HGSNAT: variants seen among roughly 807,000 people sequenced by gnomAD.
HGSNAT encodes heparan-alpha-glucosaminide N-acetyltransferase, also known as transmembrane protein 76.
In HGSNAT, 59 loss-of-function variants were observed where a neutral mutation model predicts 85.2. That is an observed-to-expected ratio of 0.69 (90% CI 0.56 to 0.86). The LOEUF is 0.86. HGSNAT is among the 40% of genes least tolerant of loss of function. The pLI, the probability that HGSNAT is intolerant of heterozygous loss-of-function variation, is 0.00. For missense variants in HGSNAT, 756 were observed against 777.1 expected (o/e 0.97, Z 0.32); for synonymous variants, 321 against 304.5 (o/e 1.05, Z -0.56).
chr8:43,185,095 G>A (rs1053162538), intron 11 of HGSNAT, among the ~76,000 whole-genome samples: 1 of 152,188 alleles, frequency 6.6e-6, no homozygotes, highest in Non-Finnish European at 1.5e-5. Context: ...TGTTCTTGTG[G>A]CTTAGGATTG....
At chr8:43,198,328 C>T (rs1446728993) in intron 17 of HGSNAT, among the ~76,000 whole-genome samples, 1 of 136,052 alleles carries the variant, frequency 7.4e-6, no homozygotes. Flanking sequence ...TGCTCTGTTG[C>T]CCAGGCTGGA....
At chr8:43,150,242 C>T (rs1156947084) in intron 2 of HGSNAT, among the ~76,000 whole-genome samples, 4 of 152,072 alleles carry the variant, frequency 2.6e-5, no homozygotes, top group Admixed American at 1.3e-4. Context: ...CGTGAGCCAC[C>T]GCGCCTGGCC....
chr8:43,178,026 A>G (rs1235763247), intron 9 of HGSNAT, 48 bp from the exon 10 acceptor site: 2 of 1,500,328 alleles, frequency 1.3e-6, no homozygotes, highest in Admixed American at 3.3e-5. Flanking sequence ...TGATATATAG[A>G]CAAAAAATTT....
At chr8:43,184,043 C>T in intron 11 of HGSNAT, among the ~76,000 whole-genome samples, 1 of 152,028 alleles carries the variant, frequency 6.6e-6, no homozygotes, top group Non-Finnish European at 1.5e-5. Context: ...CATTGTTGGG[C>T]ATTTGGGTTG....
rs191723893 is a variant in HGSNAT at position 43,184,188 on chromosome 8, C to A, written c.1128+1928C>A. ...GCTGGGTCCAATGGTATTTCTAGTT[C>A]TAGATCCCTGAGGAATCGCCATACT... On this transcript the variant is annotated intron_variant, in intron 11 of 17. Coordinates refer to ENST00000379644, the MANE Select transcript of HGSNAT (RefSeq NM_152419.3). Among the ~76,000 whole-genome samples, 11 of 152,338 alleles carry A rather than the reference C, an allele frequency of 7.2e-5. No homozygotes were observed. In the East Asian group the frequency reaches 1.9e-3, roughly 27 times the overall value.
intron 12 of HGSNAT, among the ~76,000 whole-genome samples, 188 bp from the exon 13 acceptor site, chr8:43,192,116 C>T (rs892138203): frequency 3.9e-5 from 6 of 152,068 alleles, no homozygotes; most frequent in Admixed American, 1.3e-4. Context: ...TTAATAGAGA[C>T]GGGGTTTCAC....
In HGSNAT at chr8:43,186,114, C is replaced by G. The variant is rs1804299760; in HGVS notation, c.1128+3854C>G. 3.3e-5 allele frequency among the ~76,000 whole-genome samples: 5 copies of G among 152,056 alleles called. No individual in the cohort carries two copies. The South Asian group carries it at 1.0e-3, about 32-fold the overall frequency. ...CTAAAATTCTCTTTTTTTGTTGTGT[C>G]TCTGCCAGGCTTTGGTATCAGGATG... On this transcript the variant is annotated intron_variant, in intron 11 of 17. Transcript: ENST00000379644.
At position 43,159,019 on chromosome 8, in the gene HGSNAT, C is replaced by T. The variant is rs376382820; in HGVS notation, c.468C>T (p.Asn156=). 96 of 1,613,674 alleles carry T rather than the reference C, an allele frequency of 5.9e-5. No individual in the cohort carries two copies. In the African/African-American group the frequency reaches 6.4e-4, roughly 11 times the overall value. ...AAATTGCCTGTGACCTGGCTGTGAA[C>T]GAGGATCCAGTTGATAGTAACCTTC... ...VSEIACDLAV[N]EDPVDSNLPV... The change falls in exon 4 of 18, where the codon AAC becomes AAT. Residue 156 remains asparagine, a synonymous_variant. Coordinates refer to ENST00000379644, the MANE Select transcript of HGSNAT (RefSeq NM_152419.3).
At chr8:43,195,417 T>C (rs1804670275) in intron 14 of HGSNAT, among the ~76,000 whole-genome samples, 1 of 151,852 alleles carries the variant, frequency 6.6e-6, no homozygotes. Context: ...TCCTATTCAT[T>C]AAGTGGGAGT....
intron 10 of HGSNAT, among the ~76,000 whole-genome samples, chr8:43,178,598 T>C (rs1162422089): frequency 3.2e-4 from 47 of 148,520 alleles, no homozygotes; most frequent in South Asian, 8.3e-4. Context: ...AGCTTTCTTT[T>C]TTTTTTTTTT....
In HGSNAT at chr8:43,192,522, A is replaced by G. The variant is rs1175016665; in HGVS notation, c.1377+92A>G. The G allele has an allele frequency of 5.0e-6, 7 of 1,388,712 alleles. No homozygotes were observed. In the African/African-American group the frequency reaches 8.6e-5, roughly 17 times the overall value. The allele number at this position is 1,388,712 out of a possible 1,614,324, so 86.0% of individuals were successfully genotyped here. A position where few individuals can be genotyped will look rare whatever the true frequency, so the allele number is the denominator to read the frequency against. Reference sequence around the variant, plus strand: ...AGCCAGCAAACGTTAAACCATGCCCATTTAAGAAAACACACTGAGAACTGA... The same window carrying G: ...AGCCAGCAAACGTTAAACCATGCCCGTTTAAGAAAACACACTGAGAACTGA... On this transcript the variant is annotated intron_variant, in intron 13 of 17. Transcript: ENST00000379644.
chr8:43,181,135 GA>G (rs1206190853), intron 10 of HGSNAT, among the ~76,000 whole-genome samples: 1 of 168 alleles, frequency 6.0e-3, no homozygotes, highest in Non-Finnish European at 0.018. Context: ...GAGGGAGAGG[GA>G]GAGGGAGAGG....
intron 5 of HGSNAT, among the ~76,000 whole-genome samples, chr8:43,164,760 T>C (rs907610142): frequency 2.0e-5 from 3 of 152,124 alleles, no homozygotes; most frequent in Admixed American, 2.0e-4. Flanking sequence ...CCAGCCTGGG[T>C]GACAGAGTGA....
chr8:43,143,946 A>G (rs1218719968), intron 1 of HGSNAT, among the ~76,000 whole-genome samples: 1 of 152,162 alleles, frequency 6.6e-6, no homozygotes, highest in Non-Finnish European at 1.5e-5. Flanking sequence ...AGTTGTCATT[A>G]GAAATCAGCA....
rs1490698793 is a variant in HGSNAT, at chr8:43,140,585, G to C, written c.89G>C (p.Gly30Ala). 32 of 1,233,470 alleles carry C rather than the reference G, an allele frequency of 2.6e-5. No homozygotes were observed. Among genetic ancestry groups the C allele is most frequent in the Non-Finnish European group, 3.3e-5 (32 of 980,494 alleles). The allele number at this position is 1,233,470 out of a possible 1,614,324, so 76.4% of individuals were successfully genotyped here. A position where few individuals can be genotyped will look rare whatever the true frequency, so the allele number is the denominator to read the frequency against. ...CTGCTGGCCCCCGGCGGCTCTTCGG[G>C]GCGCGATGCCCAGGCCGCGCCGCCA... ...AALLAPGGSSGRDAQAAPPRD... is the reference protein window; with the variant it reads ...AALLAPGGSSARDAQAAPPRD... The change falls in exon 1 of 18, where the codon GGG (glycine) becomes GCG (alanine). Residue 30 changes from glycine to alanine, a missense_variant. Physicochemically the swap from Gly to Ala is moderately conservative, Grantham distance 60. Transcript: ENST00000379644.
chr8:43,179,244 C>T (rs1462073607), intron 10 of HGSNAT, among the ~76,000 whole-genome samples: 1 of 127,232 alleles, frequency 7.9e-6, no homozygotes, highest in African/African-American at 3.3e-5. Flanking sequence ...CGGGGGCTGA[C>T]CCCCCCACCA....
At chr8:43,199,336 G>A in intron 17 of HGSNAT, 52 bp from the exon 18 acceptor site, 1 of 1,279,402 alleles carries the variant, frequency 7.8e-7, no homozygotes, top group East Asian at 2.5e-5. Context: ...TAGATGGTTA[G>A]ATGTGACTCA....
At chr8:43,181,958 G>A in intron 10 of HGSNAT, 187 bp from the exon 11 acceptor site, 1 of 606,474 alleles carries the variant, frequency 1.6e-6, no homozygotes, top group East Asian at 2.7e-5. Flanking sequence ...AGAGGGATTG[G>A]CCTGTTTTTG....
intron 8 of HGSNAT, among the ~76,000 whole-genome samples, chr8:43,173,297 GTTTTCT>G (rs1394782856): frequency 2.0e-5 from 3 of 151,636 alleles, no homozygotes; most frequent in Non-Finnish European, 2.9e-5. Flanking sequence ...TGGCCTATGA[GTTTTCT>G]TTTTCTTTTT....
Sources: gnomAD v4.1 joint callset for allele counts (sites outside exome capture counted in the v4.1 genomes callset) on GRCh38, gnomAD v4.1.1 for gene constraint, MANE v1.5 for transcripts, NCBI Gene and HGNC (gene_info 2026-07-23, HGNC 2026-07-21) for gene names.